The following ACADM variants were observed in gnomAD, a reference collection of about 807,000 sequenced individuals.
The protein encoded by ACADM is acyl-CoA dehydrogenase medium chain, also known as medium-chain specific acyl-CoA dehydrogenase, mitochondrial.
A neutral mutation model predicts 58.9 loss-of-function variants in ACADM; 49 were observed. The observed-to-expected ratio is 0.83, with a 90% CI of 0.66 to 1.06. The LOEUF is 1.06. ACADM is among the 50% of genes least tolerant of loss of function. ACADM has a pLI of 0.00. For missense variants in ACADM, 496 were observed against 507.0 expected, an observed-to-expected ratio of 0.98 and a Z score of 0.21; for synonymous variants, 160 against 157.7, an observed-to-expected ratio of 1.01 and a Z score of -0.11.
intron 10 of ACADM, among the ~76,000 whole-genome samples, chr1:75,754,271 G>A (rs188235989): frequency 1.5e-3 from 225 of 149,790 alleles, no homozygotes; most frequent in East Asian, 0.014. Context: ...GCAGTGGTGC[G>A]ATCTCTGCTC....
rs551916973 is a variant in ACADM, at chr1:75,729,885, A to ATTTTT, written c.118+1420_118+1424dup. On this transcript the variant is annotated intron_variant, in intron 2 of 11. Coordinates refer to ENST00000370841, the MANE Select transcript of ACADM (RefSeq NM_000016.6). ...TGAGGATAGCCATTTGGGATGGTGG[A>ATTTTT]TTTTTTTTTTTTTTTTTTTTTTTTT... Among the ~76,000 whole-genome samples the ATTTTT allele has an allele frequency of 2.2e-4, 16 of 73,882 alleles. 1 individual carries two copies. Among genetic ancestry groups the ATTTTT allele is most frequent in the African/African-American group, 5.0e-4 (9 of 18,018 alleles). The allele number at this position is 73,882 out of a possible 152,430, so 48.5% of individuals were successfully genotyped here.
intron 8 of ACADM, 73 bp from the exon 9 acceptor site, chr1:75,749,346 G>A: frequency 6.6e-7 from 1 of 1,516,756 alleles, no homozygotes; most frequent in Non-Finnish European, 9.1e-7. Flanking sequence ...AGAAAGTCAT[G>A]AAACAGTGAT....
rs117828807 is a variant in ACADM at position 75,743,271 on chromosome 1, G to A, written c.600-2535G>A. Among the ~76,000 whole-genome samples the A allele has an allele frequency of 2.6e-5, 4 of 152,280 alleles. No homozygotes were observed. In the East Asian group the frequency reaches 7.7e-4, roughly 29 times the overall value. ...GCAGGAACACCAAGAAAAAAGCTGT[G>A]ACTGCTGGTTACATAGTGCTCTGCT... On this transcript the variant is annotated intron_variant, in intron 7 of 11. Coordinates refer to ENST00000370841, the MANE Select transcript of ACADM (RefSeq NM_000016.6).
Position 75,724,772 on chromosome 1 carries a change from C to T in ACADM, c.-16C>T, listed in dbSNP as rs760716158. The stretch of plus-strand genomic sequence containing the variant: ...ACCCGTGTATTATTGTCCGAGTGGC[C>T]GGAACGGGAGCCAACATGGCAGCGG... On this transcript the variant is annotated 5_prime_UTR_variant, in exon 1 of 12. Coordinates refer to ENST00000370841, the MANE Select transcript of ACADM (RefSeq NM_000016.6). 9 of 1,525,904 alleles carry T rather than the reference C, an allele frequency of 5.9e-6. No individual in the cohort carries two copies. The highest frequency in any genetic ancestry group is 5.0e-5 in the South Asian group (4 of 80,268). 94.5% of individuals were successfully genotyped at this position (1,525,904 alleles called of 1,614,324 possible).
At chr1:75,754,485 G>A (rs1648386250) in intron 10 of ACADM, among the ~76,000 whole-genome samples, 1 of 152,216 alleles carries the variant, frequency 6.6e-6, no homozygotes, top group East Asian at 1.9e-4. Flanking sequence ...TGGGATTACA[G>A]GCGTGAGCCA....
chr1:75,756,162 G>T (rs955925330), intron 10 of ACADM, among the ~76,000 whole-genome samples: 1 of 152,186 alleles, frequency 6.6e-6, no homozygotes, highest in Non-Finnish European at 1.5e-5. Context: ...CACAAGACAG[G>T]GATACCTTCT....
intron 10 of ACADM, among the ~76,000 whole-genome samples, chr1:75,758,789 TCAGCACTCTGTAAAATGGACCAAC>T (rs568915236): frequency 0.02 from 3,021 of 152,188 alleles, 119 homozygotes; most frequent in African/African-American, 0.067. Flanking sequence ...AATGCACCAG[TCAGCACTCTGTAAAATGGACCAAC>T]CAGCACTCTG....
chr1:75,752,182 A>G (rs1000833910), intron 10 of ACADM, among the ~76,000 whole-genome samples: 7 of 151,942 alleles, frequency 4.6e-5, no homozygotes, highest in East Asian at 1.9e-4. Flanking sequence ...AGGTCTCACT[A>G]TGTTGCCCAG....
intron 7 of ACADM, among the ~76,000 whole-genome samples, chr1:75,745,014 A>G (rs186253097): frequency 2.6e-5 from 4 of 152,332 alleles, no homozygotes; most frequent in Non-Finnish European, 5.9e-5. Flanking sequence ...TTATCCTTGC[A>G]GGATACATTC....
At chr1:75,744,080 C>T (rs989652443) in intron 7 of ACADM, 16 of 1,587,854 alleles carry the variant, frequency 1.0e-5, no homozygotes, top group Admixed American at 1.7e-5. Flanking sequence ...CTGAGCAATG[C>T]ACTGCCGCAT....
chr1:75,743,551 A>G (rs947054582), intron 7 of ACADM: 30 of 1,601,672 alleles, frequency 1.9e-5, no homozygotes, highest in Non-Finnish European at 2.3e-5. Flanking sequence ...CTGCACCTCT[A>G]CCTTGCCTCC....
At chr1:75,739,483 T>G (rs987785693) in intron 6 of ACADM, among the ~76,000 whole-genome samples, 1 of 152,210 alleles carries the variant, frequency 6.6e-6, no homozygotes, top group Non-Finnish European at 1.5e-5. Flanking sequence ...TTTGTTGATA[T>G]ACCTATGCCT....
At chr1:75,751,995 CTTTTT>C (rs34262751) in intron 10 of ACADM, among the ~76,000 whole-genome samples, 1 of 140,274 alleles carries the variant, frequency 7.1e-6, no homozygotes, top group Non-Finnish European at 1.5e-5. Context: ...TCCTATTTCT[CTTTTT>C]TTTTTTTTTT....
At position 75,734,951 on chromosome 1, in the gene ACADM, A is replaced by C. The variant is rs917314853; in HGVS notation, c.468+80A>C. The C allele has an allele frequency of 3.0e-6, 3 of 1,013,782 alleles. No homozygotes were observed. The African/African-American group carries it at 4.8e-5, about 16-fold the overall frequency. 62.8% of individuals were successfully genotyped at this position (1,013,782 alleles called of 1,614,324 possible). A position where few individuals can be genotyped will look rare whatever the true frequency, so the allele number is the denominator to read the frequency against. On this transcript the variant is annotated intron_variant, in intron 6 of 11. Coordinates refer to ENST00000370841, the MANE Select transcript of ACADM (RefSeq NM_000016.6). ...TATTTCTCCTTTTCAGTCTATATGT[A>C]TATATTGGGATATTTAGCATTGAAA... is the stretch of plus-strand genomic sequence containing the variant.
chr1:75,745,710 T>C, intron 7 of ACADM, 96 bp from the exon 8 acceptor site: 1 of 958,564 alleles, frequency 1.0e-6, no homozygotes. Context: ...ATGTAGGTAA[T>C]AATAATTGGG....
chr1:75,743,386 C>T, intron 7 of ACADM: 1 of 1,599,704 alleles, frequency 6.3e-7, no homozygotes. Context: ...TCAGTTCCTG[C>T]ATGATCAATT....
At chr1:75,725,743 G>A (rs1225057161) in intron 1 of ACADM, among the ~76,000 whole-genome samples, 3 of 152,186 alleles carry the variant, frequency 2.0e-5, no homozygotes, top group African/African-American at 7.2e-5. Context: ...CAGAGAGCCC[G>A]AAGTAATAAA....
intron 1 of ACADM, 75 bp from the exon 2 acceptor site, chr1:75,728,322 CACTT>C: frequency 7.7e-6 from 9 of 1,168,808 alleles, no homozygotes; most frequent in Non-Finnish European, 1.1e-5. Flanking sequence ...TTGCTGTACT[CACTT>C]ATGATTATCA....
At chr1:75,746,623 G>T (rs1647919199) in intron 8 of ACADM, among the ~76,000 whole-genome samples, 2 of 142,326 alleles carry the variant, frequency 1.4e-5, no homozygotes, top group African/African-American at 2.6e-5. Flanking sequence ...TTTTGAGACA[G>T]CGTCTCGCTC....
Sources: allele counts gnomAD v4.1 joint callset (sites outside exome capture counted in the v4.1 genomes callset), GRCh38; gene constraint gnomAD v4.1.1; transcripts MANE v1.5; gene names NCBI Gene and HGNC (gene_info 2026-07-23, HGNC 2026-07-21).